The following SRSF3 variants were observed in gnomAD, a reference collection of about 807,000 sequenced individuals.
The protein encoded by SRSF3 is serine/arginine-rich splicing factor 3.
For missense variants in SRSF3, 58 were observed against 217.1 expected (o/e 0.27, Z 4.61); for synonymous variants, 87 against 73.6 (o/e 1.18, Z -0.93).
chr6:36,595,287 C>T (rs1778607332), intron 1 of SRSF3, among the ~76,000 whole-genome samples: 1 of 152,070 alleles, frequency 6.6e-6, no homozygotes, highest in Non-Finnish European at 1.5e-5. Flanking sequence ...AATACAAGTC[C>T]GCCAAGGAAG....
chr6:36,596,189 C>T (rs1024619987), intron 1 of SRSF3, among the ~76,000 whole-genome samples: 1 of 152,112 alleles, frequency 6.6e-6, no homozygotes, highest in Admixed American at 6.6e-5. Context: ...CCCAAAAGTT[C>T]TGGGATTGCA....
intron 2 of SRSF3, 104 bp downstream of exon 2, chr6:36,597,072 T>C (rs1257519270): frequency 2.1e-6 from 2 of 932,850 alleles, no homozygotes; most frequent in Non-Finnish European, 3.3e-6. Flanking sequence ...CACTGGCCAA[T>C]TGTATCTTTA....
rs1778733456 is a variant in SRSF3 at position 36,602,483 on chromosome 6, A to G, written c.*494A>G. On this transcript the variant is annotated 3_prime_UTR_variant, in exon 6 of 6. Transcript: ENST00000373715. ...TGCACTATTAAATTAGAGGTTTTTG[A>G]AAAATCCAACTCTCATCCTGGGCAG... The G allele has an allele frequency of 8.9e-6, 2 of 224,430 alleles. No homozygotes were observed. The highest frequency in any genetic ancestry group is 4.5e-5 in the African/African-American group (2 of 44,844). 13.9% of individuals were successfully genotyped at this position (224,430 alleles called of 1,614,324 possible).
intron 2 of SRSF3, chr6:36,597,205 A>G (rs766928076): frequency 1.9e-6 from 1 of 538,992 alleles, no homozygotes; most frequent in Non-Finnish European, 3.3e-6. Context: ...TCCGGGGTTC[A>G]AGTGATTCTC....
rs1778787018 is a variant in SRSF3 at position 36,604,970 on chromosome 6, C to T, written c.*2981C>T. On this transcript the variant is annotated 3_prime_UTR_variant, in exon 6 of 6. Coordinates refer to ENST00000373715, the MANE Select transcript of SRSF3 (RefSeq NM_003017.5). The stretch of plus-strand genomic sequence containing the variant: ...TTCTTAGTTGTATATTTTTGTACTA[C>T]CAGATTGTTGCCTTCTGGTTTTCCA... 6.6e-6 allele frequency: 1 copy of T among 152,094 alleles called. No individual in the cohort carries two copies. The highest frequency in any genetic ancestry group is 2.1e-4 in the South Asian group (1 of 4,830). The allele number at this position is 152,094 out of a possible 1,614,324, so 9.4% of individuals were successfully genotyped here. A position where few individuals can be genotyped will look rare whatever the true frequency, so the allele number is the denominator to read the frequency against.
chr6:36,601,814 G>A lies in SRSF3; in HGVS notation c.467+20G>A. 1 of 1,604,978 alleles carries A rather than the reference G, an allele frequency of 6.2e-7. No individual in the cohort carries two copies. Among genetic ancestry groups the A allele is most frequent in the Non-Finnish European group, 8.5e-7 (1 of 1,173,044 alleles). Reference sequence around the variant, plus strand: ...TCGTAGGTAAGATCTTTGATAACTTGTATTTAAGACTTTGCATACATAGTA... The same window carrying A: ...TCGTAGGTAAGATCTTTGATAACTTATATTTAAGACTTTGCATACATAGTA... On this transcript the variant is annotated intron_variant, in intron 5 of 5. Coordinates refer to ENST00000373715, the MANE Select transcript of SRSF3 (RefSeq NM_003017.5).
chr6:36,596,328 T>C (rs899243811), intron 1 of SRSF3, among the ~76,000 whole-genome samples: 1 of 152,156 alleles, frequency 6.6e-6, no homozygotes, highest in Admixed American at 6.5e-5. Context: ...TAGTATAACC[T>C]TAAGGACTAG....
chr6:36,601,940 CTTTTTTTTTTT>C lies in SRSF3; in HGVS notation c.468-13_468-3del, dbSNP rs778276944. 5 of 1,432,078 alleles carry C rather than the reference CTTTTTTTTTTT, an allele frequency of 3.5e-6. No individual in the cohort carries two copies. The highest frequency in any genetic ancestry group is 5.0e-5 in the East Asian group (2 of 40,230). The allele number at this position is 1,432,078 out of a possible 1,614,324, so 88.7% of individuals were successfully genotyped here. A position where few individuals can be genotyped will look rare whatever the true frequency, so the allele number is the denominator to read the frequency against. On this transcript the variant is annotated splice_polypyrimidine_tract_variant and intron_variant, in intron 5 of 5. Coordinates refer to ENST00000373715, the MANE Select transcript of SRSF3 (RefSeq NM_003017.5). ...AGTTACAGATGTAATGTTTTGTTTT[CTTTTTTTTTTT>C]TTTTTTTTAGTCGATCTAGGTCAAA... is the stretch of plus-strand genomic sequence containing the variant.
At chr6:36,599,107 TTTG>T (rs1412671815) in intron 3 of SRSF3, 124 bp downstream of exon 3, 2 of 1,243,160 alleles carry the variant, frequency 1.6e-6, no homozygotes, top group South Asian at 1.5e-5. Flanking sequence ...CTGTGAAACA[TTTG>T]TTGGGTGTAA....
chr6:36,597,816 T>G (rs1372392314), intron 2 of SRSF3, among the ~76,000 whole-genome samples: 1 of 151,812 alleles, frequency 6.6e-6, no homozygotes, highest in East Asian at 1.9e-4. Flanking sequence ...TTTTTTTTTT[T>G]TTTACTACTG....
intron 2 of SRSF3, 69 bp downstream of exon 2, chr6:36,597,037 G>T: frequency 7.0e-7 from 1 of 1,427,992 alleles, no homozygotes; most frequent in Non-Finnish European, 9.8e-7. Context: ...TACAGGATAT[G>T]TGGCTCTTAG....
chr6:36,598,511 G>A lies in SRSF3; in HGVS notation c.207-338G>A, dbSNP rs928368142. On this transcript the variant is annotated intron_variant, in intron 2 of 5. Coordinates refer to ENST00000373715, the MANE Select transcript of SRSF3 (RefSeq NM_003017.5). ...TGATTCTCCTGCCTCAGCCGCCTGA[G>A]TAGCTGGGATTACAGGCATGTACCA... The A allele has an allele frequency of 5.2e-5, 11 of 211,806 alleles. No homozygotes were observed. In the South Asian group the frequency reaches 7.7e-4, roughly 15 times the overall value. 13.1% of individuals were successfully genotyped at this position (211,806 alleles called of 1,614,324 possible). A position where few individuals can be genotyped will look rare whatever the true frequency, so the allele number is the denominator to read the frequency against.
At chr6:36,594,921 C>T (rs1395747748) in intron 1 of SRSF3, among the ~76,000 whole-genome samples, 7 of 152,100 alleles carry the variant, frequency 4.6e-5, no homozygotes, top group Non-Finnish European at 1.0e-4. Context: ...TCAGATTTTG[C>T]AGCCTGAATC....
chr6:36,600,992 C>G, intron 3 of SRSF3, 160 bp from the exon 4 acceptor site: 1 of 338,966 alleles, frequency 3.0e-6, no homozygotes. Context: ...TTTTTCTTTT[C>G]TTTTTTTTCT....
rs929210920 is a variant in SRSF3 at position 36,603,773 on chromosome 6, G to C, written c.*1784G>C. 8.6e-6 allele frequency: 2 copies of C among 231,414 alleles called. No individual in the cohort carries two copies. Among genetic ancestry groups the C allele is most frequent in the Non-Finnish European group, 1.7e-5 (2 of 116,998 alleles). The allele number at this position is 231,414 out of a possible 1,614,324, so 14.3% of individuals were successfully genotyped here. A position where few individuals can be genotyped will look rare whatever the true frequency, so the allele number is the denominator to read the frequency against. On this transcript the variant is annotated 3_prime_UTR_variant, in exon 6 of 6. Coordinates refer to ENST00000373715, the MANE Select transcript of SRSF3 (RefSeq NM_003017.5). ...AGGAACAAGCCAAGATAGCTAAGAAGTTACGGAAGCCATGCAATATGTCAA... is the reference window on the plus strand; with the variant it reads ...AGGAACAAGCCAAGATAGCTAAGAACTTACGGAAGCCATGCAATATGTCAA...
rs745558870 is a variant in SRSF3, at chr6:36,598,842, C to G, written c.207-7C>G. On this transcript the variant is annotated splice_region_variant and splice_polypyrimidine_tract_variant and intron_variant, in intron 2 of 5. Transcript: ENST00000373715. ...CTGTTTTAAGTTTAATATCTTTGCC[C>G]CCTCAGAACACTATGTGGCTGCCGT... The G allele has an allele frequency of 6.2e-6, 10 of 1,610,070 alleles. No individual in the cohort carries two copies. In the Admixed American group the frequency reaches 1.4e-4, roughly 22 times the overall value.
At chr6:36,601,023 TTTTG>T in intron 3 of SRSF3, 125 bp from the exon 4 acceptor site, 3 of 352,774 alleles carry the variant, frequency 8.5e-6, no homozygotes, top group African/African-American at 2.3e-5. Flanking sequence ...TTTTTTTTTT[TTTTG>T]GACGATGGGT....
At chr6:36,596,010 C>T (rs1778621585) in intron 1 of SRSF3, among the ~76,000 whole-genome samples, 1 of 152,072 alleles carries the variant, frequency 6.6e-6, no homozygotes, top group Non-Finnish European at 1.5e-5. Context: ...CTGCCACCTC[C>T]GCCTCGCGGG....
At chr6:36,600,018 T>TAACC (rs1778689750) in intron 3 of SRSF3, 1 of 1,250,216 alleles carries the variant, frequency 8.0e-7, no homozygotes, top group Admixed American at 2.6e-5. Context: ...TCTCCAACCT[T>TAACC]AACCAAATCG....
Sources: gnomAD v4.1 joint callset for allele counts (sites outside exome capture counted in the v4.1 genomes callset) on GRCh38, gnomAD v4.1.1 for gene constraint, MANE v1.5 for transcripts, NCBI Gene and HGNC (gene_info 2026-07-23, HGNC 2026-07-21) for gene names.